AFAP1: variants seen among roughly 807,000 people sequenced by gnomAD.
The protein encoded by AFAP1 is actin filament-associated protein 1.
In AFAP1, 75 loss-of-function variants were observed where a neutral mutation model predicts 93.9. The ratio of observed to expected loss-of-function variants is 0.80; its 90% confidence interval spans 0.66 to 0.97. AFAP1 has a LOEUF of 0.97. Among genes scored for constraint, AFAP1 ranks in the 50% least tolerant of loss-of-function variants. The probability of loss-of-function intolerance (pLI) is 0.00; values close to 1 mark genes in which losing one functional copy is unlikely to be tolerated. For synonymous variants in AFAP1, 517 were observed against 430.7 expected (o/e 1.20, Z -2.48); for missense variants, 1,201 against 1,050.8 (o/e 1.14, Z -1.98).
At chr4:7,801,914 C>CAAAAAAAAAAAAAAAAAAAAAAAAAAA (rs531684652) in intron 9 of AFAP1, among the ~76,000 whole-genome samples, 4 of 65,198 alleles carry the variant, frequency 6.1e-5, no homozygotes, top group Non-Finnish European at 8.0e-5. Flanking sequence ...GACCCTATCA[C>CAAAAAAAAAAAAAAAAAAAAAAAAAAA]AAAAAAAAAA....
intron 1 of AFAP1, among the ~76,000 whole-genome samples, chr4:7,936,476 C>T (rs1309777267): frequency 2.6e-5 from 4 of 151,788 alleles, no homozygotes; most frequent in African/African-American, 7.3e-5. Flanking sequence ...AGGTGTAAAC[C>T]ACAGCACCTG....
At chr4:7,802,871 G>T (rs867600466) in intron 9 of AFAP1, among the ~76,000 whole-genome samples, 4 of 151,952 alleles carry the variant, frequency 2.6e-5, no homozygotes, top group South Asian at 2.1e-4. Context: ...GGAAGGTCTC[G>T]ATCTCCTGAC....
rs1009493896 is a variant in AFAP1, at chr4:7,781,533, G to A, written c.1625C>T (p.Pro542Leu). 84 of 1,552,064 alleles carry A rather than the reference G, an allele frequency of 5.4e-5. No homozygotes were observed. Among genetic ancestry groups the A allele is most frequent in the Non-Finnish European group, 7.0e-5 (80 of 1,147,118 alleles). ...AGAGTAGCGGGCAAAGATGTGCGGA[G>A]GCGGCAAGTTATCGTACAGGCCTGC... ...DNAGLYDNLP[P>L]PHIFARYSPA... The change falls in exon 13 of 18, where the codon CCT (proline) becomes CTT (leucine). Residue 542 changes from proline to leucine, a missense_variant. By Grantham distance (98) the Pro-to-Leu change is moderately conservative. Transcript: ENST00000420658.
chr4:7,855,422 GCC>G (rs770934831), intron 4 of AFAP1, 42 bp downstream of exon 4: 12 of 1,444,918 alleles, frequency 8.3e-6, no homozygotes, highest in Non-Finnish European at 1.0e-5. Flanking sequence ...CAACAGTCCT[GCC>G]AATCACAAAG....
intron 11 of AFAP1, among the ~76,000 whole-genome samples, chr4:7,790,791 T>C (rs1717795972): frequency 6.6e-6 from 1 of 152,216 alleles, no homozygotes; most frequent in African/African-American, 2.4e-5. Context: ...GAACGGTAAG[T>C]ACTAGACTAC....
chr4:7,800,670 CCA>C lies in AFAP1; in HGVS notation c.1055-19_1055-18del, dbSNP rs1218522021. On this transcript the variant is annotated intron_variant, in intron 9 of 17. Coordinates refer to ENST00000420658, the MANE Select transcript of AFAP1 (RefSeq NM_001134647.2). ...TCAGATAGCCTGCGGAGACACAAGGCCACAGGTCAGCCGCCTCGGACAAGACC... is the reference window on the plus strand; with the variant it reads ...TCAGATAGCCTGCGGAGACACAAGGCCAGGTCAGCCGCCTCGGACAAGACC... 6.2e-7 allele frequency: 1 copy of C among 1,613,944 alleles called. No individual in the cohort carries two copies. The highest frequency in any genetic ancestry group is 8.5e-7 in the Non-Finnish European group (1 of 1,179,958).
chr4:7,937,843 T>C (rs1035634117), intron 1 of AFAP1, among the ~76,000 whole-genome samples: 3 of 152,142 alleles, frequency 2.0e-5, no homozygotes, highest in African/African-American at 4.8e-5. Context: ...TAGGAAGTAA[T>C]AGAAAAAGAT....
chr4:7,851,919 C>T (rs1714483174), intron 4 of AFAP1, among the ~76,000 whole-genome samples: 1 of 152,194 alleles, frequency 6.6e-6, no homozygotes. Context: ...TCCTGTTCTC[C>T]ATGATGGGAT....
chr4:7,778,428 A>G lies in AFAP1; in HGVS notation c.1897+334T>C. The G allele has an allele frequency of 3.2e-5, 13 of 407,136 alleles. 1 individual carries two copies. The highest frequency in any genetic ancestry group is 2.9e-4 in the South Asian group (13 of 44,252). 25.2% of individuals were successfully genotyped at this position (407,136 alleles called of 1,614,324 possible). A position where few individuals can be genotyped will look rare whatever the true frequency, so the allele number is the denominator to read the frequency against. ...AGTCTGCAAGGCTTGACAACCACAG[A>G]TCAGGGACAGGAGCTGAGGTCTCCT... On this transcript the variant is annotated intron_variant, in intron 14 of 17. Coordinates refer to ENST00000420658, the MANE Select transcript of AFAP1 (RefSeq NM_001134647.2).
chr4:7,793,548 A>T, intron 11 of AFAP1, 133 bp downstream of exon 11: 1 of 1,065,054 alleles, frequency 9.4e-7, no homozygotes, highest in Non-Finnish European at 1.2e-6. Flanking sequence ...AATTTGGCTT[A>T]AGATAATGCA....
intron 17 of AFAP1, among the ~76,000 whole-genome samples, chr4:7,764,449 A>G (rs1714267262): frequency 6.6e-6 from 1 of 152,230 alleles, no homozygotes; most frequent in African/African-American, 2.4e-5. Flanking sequence ...AAGTTTGGGA[A>G]GATGAGAAAG....
At chr4:7,776,563 G>A (rs1395424656) in intron 14 of AFAP1, 1 of 152,146 alleles carries the variant, frequency 6.6e-6, no homozygotes, top group African/African-American at 2.4e-5. Flanking sequence ...GCCATTTCTA[G>A]CACCTGTCCT....
intron 12 of AFAP1, 35 bp from the exon 13 acceptor site, chr4:7,781,662 G>C: frequency 1.3e-6 from 2 of 1,547,012 alleles, no homozygotes; most frequent in Non-Finnish European, 1.7e-6. Context: ...TAGTGACTTG[G>C]ACACAGGAAA....
intron 1 of AFAP1, among the ~76,000 whole-genome samples, chr4:7,892,575 T>C (rs914856862): frequency 6.6e-5 from 10 of 152,178 alleles, no homozygotes; most frequent in African/African-American, 2.4e-4. Context: ...CTCCATCTTT[T>C]TGCACTTGAA....
At chr4:7,875,819 A>G (rs1717465002) in intron 1 of AFAP1, among the ~76,000 whole-genome samples, 1 of 152,218 alleles carries the variant, frequency 6.6e-6, no homozygotes, top group South Asian at 2.1e-4. Context: ...ATTATGTTAA[A>G]ATAGACAAAA....
At chr4:7,809,902 T>G in intron 8 of AFAP1, 139 bp from the exon 9 acceptor site, 1 of 962,714 alleles carries the variant, frequency 1.0e-6, no homozygotes, top group Non-Finnish European at 1.5e-6. Context: ...CTCTGTCCCC[T>G]GGCTGGAGTG....
chr4:7,843,728 C>T, intron 4 of AFAP1: 1 of 193,084 alleles, frequency 5.2e-6, no homozygotes, highest in Non-Finnish European at 1.1e-5. Flanking sequence ...GTCCCTTGCC[C>T]TCCCACGTCC....
chr4:7,868,703 G>A lies in AFAP1; in HGVS notation c.144C>T (p.Asp48=). The A allele has an allele frequency of 6.2e-7, 1 of 1,613,440 alleles. No homozygotes were observed. The highest frequency in any genetic ancestry group is 8.5e-7 in the Non-Finnish European group (1 of 1,179,932). Residue 48 remains aspartate, a synonymous_variant, in exon 3 of 18, where the codon GAC becomes GAT. Coordinates refer to ENST00000420658, the MANE Select transcript of AFAP1 (RefSeq NM_001134647.2). The part of the protein sequence containing the change: ...IQSSKGFDVK[D]HAQKQETANS... ...TAGCGGTCTCCTGCTTCTGAGCATGGTCCTTCACATCAAAACCTGTAAGAA... is the reference window on the plus strand; with the variant it reads ...TAGCGGTCTCCTGCTTCTGAGCATGATCCTTCACATCAAAACCTGTAAGAA...
At chr4:7,863,082 G>A (rs772263204) in intron 3 of AFAP1, among the ~76,000 whole-genome samples, 4 of 152,168 alleles carry the variant, frequency 2.6e-5, no homozygotes, top group Non-Finnish European at 4.4e-5. Flanking sequence ...AATGCAATCA[G>A]TCTGATAGCT....
Sources: gnomAD v4.1 joint callset for allele counts (sites outside exome capture counted in the v4.1 genomes callset) on GRCh38, gnomAD v4.1.1 for gene constraint, MANE v1.5 for transcripts, NCBI Gene and HGNC (gene_info 2026-07-23, HGNC 2026-07-21) for gene names.